The following ANO4 variants were observed in gnomAD, a reference collection of about 807,000 sequenced individuals.
ANO4 encodes the protein anoctamin-4.
In ANO4, 69 loss-of-function variants were observed where a neutral mutation model predicts 141.9. The ratio of observed to expected loss-of-function variants is 0.49; its 90% confidence interval spans 0.40 to 0.59. ANO4 has a LOEUF of 0.59. Among genes scored for constraint, ANO4 ranks in the 20% least tolerant of loss-of-function variants. ANO4 has a pLI of 0.00. For synonymous variants in ANO4, 350 were observed against 394.3 expected (o/e 0.89, Z 1.33); for missense variants, 894 against 1,162.2 (o/e 0.77, Z 3.36).
intron 1 of ANO4, among the ~76,000 whole-genome samples, chr12:100,896,286 C>T (rs1241349767): frequency 6.6e-6 from 1 of 152,106 alleles, no homozygotes; most frequent in Admixed American, 6.5e-5. Context: ...AACCAGCGTC[C>T]TTATAAGAGA....
In ANO4 at chr12:101,094,345, G is replaced by A. The variant is rs1610175; in HGVS notation, c.1738+53G>A. 3,718 of 1,423,096 alleles carry A rather than the reference G, an allele frequency of 2.6e-3. 57 individuals carry two copies. In the South Asian group the frequency reaches 0.03, roughly 11 times the overall value. The allele number at this position is 1,423,096 out of a possible 1,614,324, so 88.2% of individuals were successfully genotyped here. A position where few individuals can be genotyped will look rare whatever the true frequency, so the allele number is the denominator to read the frequency against. ...AACTGTACTGTGGGCTAGAGAGTAT[G>A]GTTCAAAGATTCCTTTCTCTAATAC... On this transcript the variant is annotated intron_variant, in intron 18 of 27. Transcript: ENST00000392977.
chr12:100,794,627 C>T (rs1441035442), upstream of ANO4: 1 of 152,274 alleles, frequency 6.6e-6, no homozygotes, highest in African/African-American at 2.4e-5. Flanking sequence ...TCCTTCCACT[C>T]TAAAGAGACT....
intron 1 of ANO4, among the ~76,000 whole-genome samples, chr12:100,894,350 C>T (rs1565980251): frequency 6.6e-6 from 1 of 152,144 alleles, no homozygotes; most frequent in East Asian, 1.9e-4. Context: ...TAAGCAACAA[C>T]CTATCTTCAG....
intron 1 of ANO4, among the ~76,000 whole-genome samples, chr12:100,894,919 T>G (rs970919462): frequency 3.0e-5 from 4 of 133,572 alleles, no homozygotes; most frequent in Non-Finnish European, 6.2e-5. Context: ...TGAGCCGAGA[T>G]CCCGCCACTG....
intron 3 of ANO4, among the ~76,000 whole-genome samples, chr12:100,766,245 A>G (rs2135539624): frequency 6.6e-6 from 1 of 151,868 alleles, no homozygotes; most frequent in South Asian, 2.1e-4. Flanking sequence ...CTGTGCTCTT[A>G]TTTCTTTATG....
chr12:100,817,862 G>A (rs2035821084), intron 1 of ANO4, among the ~76,000 whole-genome samples: 1 of 151,748 alleles, frequency 6.6e-6, no homozygotes, highest in Admixed American at 6.6e-5. Flanking sequence ...GGGGGCTAAG[G>A]GTTTTACTTC....
At chr12:100,733,724 G>T (rs2031486645) in intron 1 of ANO4, 1 of 681,406 alleles carries the variant, frequency 1.5e-6, no homozygotes, top group Non-Finnish European at 2.7e-6. Flanking sequence ...TTGTGGTCAT[G>T]GTGTCTACTA....
chr12:101,101,547 A>C (rs544529740), intron 22 of ANO4, among the ~76,000 whole-genome samples: 1 of 152,122 alleles, frequency 6.6e-6, no homozygotes, highest in South Asian at 2.1e-4. Context: ...CTGCCCTGAC[A>C]CAGCACACAG....
intron 24 of ANO4, 133 bp downstream of exon 24, chr12:101,111,843 G>A (rs921438948): frequency 7.8e-6 from 5 of 642,190 alleles, no homozygotes; most frequent in African/African-American, 5.7e-5. Flanking sequence ...TAGGGGAGGT[G>A]GAATTATGAT....
At chr12:100,941,170 T>C (rs966243093) in intron 4 of ANO4, among the ~76,000 whole-genome samples, 1 of 152,014 alleles carries the variant, frequency 6.6e-6, no homozygotes, top group African/African-American at 2.4e-5. Context: ...TATATGTATG[T>C]TTACATATAT....
intron 1 of ANO4, among the ~76,000 whole-genome samples, chr12:100,895,815 G>A (rs974272533): frequency 6.6e-6 from 1 of 151,970 alleles, no homozygotes; most frequent in Admixed American, 6.6e-5. Flanking sequence ...ACCCGCCTTG[G>A]CCTCCCAAAG....
At chr12:100,967,165 A>T (rs775816891) in intron 5 of ANO4, among the ~76,000 whole-genome samples, 1 of 152,102 alleles carries the variant, frequency 6.6e-6, no homozygotes, top group Non-Finnish European at 1.5e-5. Flanking sequence ...TTTTTCTAAG[A>T]ATATTTTCCC....
intron 1 of ANO4, among the ~76,000 whole-genome samples, chr12:100,725,154 C>G (rs1272868514): frequency 6.6e-6 from 1 of 152,132 alleles, no homozygotes; most frequent in Admixed American, 6.5e-5. Flanking sequence ...TGGCTTTCAT[C>G]TGTCCCTGTA....
chr12:100,965,495 A>T (rs772329325), intron 5 of ANO4, among the ~76,000 whole-genome samples: 4 of 152,152 alleles, frequency 2.6e-5, no homozygotes, highest in African/African-American at 9.7e-5. Context: ...GTAACTCATT[A>T]GTGGCTTCCT....
chr12:100,813,503 A>G (rs2035564796), intron 1 of ANO4, among the ~76,000 whole-genome samples: 1 of 152,284 alleles, frequency 6.6e-6, no homozygotes, highest in Middle Eastern at 3.4e-3. Context: ...AGATCTTACT[A>G]TAGTGCATTG....
chr12:100,847,862 T>C (rs2037655928), intron 1 of ANO4, among the ~76,000 whole-genome samples: 1 of 152,212 alleles, frequency 6.6e-6, no homozygotes, highest in Non-Finnish European at 1.5e-5. Flanking sequence ...CCCCAGTCTT[T>C]AGTAACATCA....
At chr12:100,771,960 A>G (rs1034874531) in intron 3 of ANO4, among the ~76,000 whole-genome samples, 2 of 152,232 alleles carry the variant, frequency 1.3e-5, no homozygotes, top group Non-Finnish European at 2.9e-5. Context: ...GTCATTGCCT[A>G]TGATCACACA....
chr12:100,987,726 C>A lies in ANO4; in HGVS notation c.734+56C>A, dbSNP rs951605243. On this transcript the variant is annotated intron_variant, in intron 8 of 27. Coordinates refer to ENST00000392977, the MANE Select transcript of ANO4 (RefSeq NM_001286615.2). ...CTAAGGATGTGCAGCTGTGGTAGAG[C>A]CTCACCCTGCACGCCTTTGATTCCT... The A allele has an allele frequency of 1.3e-5, 20 of 1,595,222 alleles. No homozygotes were observed. In the African/African-American group the frequency reaches 2.1e-4, roughly 17 times the overall value.
intron 14 of ANO4, among the ~76,000 whole-genome samples, chr12:101,052,274 G>A (rs2047904618): frequency 6.6e-6 from 1 of 152,122 alleles, no homozygotes; most frequent in Non-Finnish European, 1.5e-5. Flanking sequence ...GGTATGCTGT[G>A]AGCCTGGGTC....
Sources: allele counts gnomAD v4.1 joint callset (sites outside exome capture counted in the v4.1 genomes callset), GRCh38; gene constraint gnomAD v4.1.1; transcripts MANE v1.5; gene names NCBI Gene and HGNC (gene_info 2026-07-23, HGNC 2026-07-21).